FAM193A: variants seen among roughly 807,000 people sequenced by gnomAD.
FAM193A encodes family with sequence similarity 193 member A.
Under a neutral mutation model 126.5 loss-of-function variants are expected in FAM193A, and 22 were observed. The ratio of observed to expected loss-of-function variants is 0.17; its 90% CI spans 0.12 to 0.25. The LOEUF is 0.25. FAM193A is among the 10% of genes least tolerant of loss of function. FAM193A has a pLI of 1.00. For synonymous variants in FAM193A, 761 were observed against 646.8 expected (o/e 1.18, Z -2.68); for missense variants, 1,675 against 1,672.8 (o/e 1.00, Z -0.02).
At chr4:2,586,776 C>T (rs1050248577) in intron 1 of FAM193A, among the ~76,000 whole-genome samples, 9 of 152,116 alleles carry the variant, frequency 5.9e-5, no homozygotes, top group African/African-American at 2.2e-4. Flanking sequence ...ACCTCAGCCT[C>T]CTGAGTGGCT....
Position 2,700,355 on chromosome 4 carries a change from A to G in FAM193A, c.4183A>G (p.Ser1395Gly), listed in dbSNP as rs1560587120. ...EQKREERKVN[S>G]NNNNKKQLNH... ...GAAAAGAGAGGAGAGAAAAGTCAACAGTAATAACAATAACAAAAAGCAGCT... is the reference window on the plus strand; with the variant it reads ...GAAAAGAGAGGAGAGAAAAGTCAACGGTAATAACAATAACAAAAAGCAGCT... The change falls in exon 19 of 21, where the codon AGT (serine) becomes GGT (glycine). Residue 1395 changes from serine to glycine, a missense_variant. By Grantham distance (56) the Ser-to-Gly change is moderately conservative. Transcript: ENST00000637812. 1 of 1,614,150 alleles carries G rather than the reference A, an allele frequency of 6.2e-7. No individual in the cohort carries two copies. The highest frequency in any genetic ancestry group is 1.7e-5 in the Admixed American group (1 of 60,018).
intron 2 of FAM193A, among the ~76,000 whole-genome samples, chr4:2,600,600 C>G (rs963496772): frequency 6.6e-6 from 1 of 152,136 alleles, no homozygotes; most frequent in African/African-American, 2.4e-5. Context: ...AGCTATTGAC[C>G]TTCGTGCTTC....
chr4:2,546,096 C>T (rs202240612), intron 1 of FAM193A, among the ~76,000 whole-genome samples: 4 of 151,624 alleles, frequency 2.6e-5, no homozygotes, highest in Non-Finnish European at 4.4e-5. Context: ...TGCAGTGAGC[C>T]GAGATTGTGC....
chr4:2,628,640 C>T (rs1743214722), intron 4 of FAM193A, among the ~76,000 whole-genome samples: 1 of 151,996 alleles, frequency 6.6e-6, no homozygotes, highest in African/African-American at 2.4e-5. Context: ...CAAAGAAAAA[C>T]ACAAAAAAAC....
chr4:2,611,905 C>T (rs1560480935), intron 2 of FAM193A, among the ~76,000 whole-genome samples: 2 of 150,026 alleles, frequency 1.3e-5, no homozygotes, highest in Admixed American at 6.6e-5. Flanking sequence ...GGCACTATCT[C>T]GGCTCACTGC....
At chr4:2,572,690 C>G (rs1285151218) in intron 1 of FAM193A, among the ~76,000 whole-genome samples, 1 of 151,370 alleles carries the variant, frequency 6.6e-6, no homozygotes, top group African/African-American at 2.4e-5. Flanking sequence ...GGGGAGCTCA[C>G]GTGGGACCTG....
chr4:2,720,400 T>TC (rs1294688058), intron 20 of FAM193A, among the ~76,000 whole-genome samples: 2 of 152,168 alleles, frequency 1.3e-5, no homozygotes, highest in Non-Finnish European at 2.9e-5. Context: ...ACCTGTAATT[T>TC]CAACATTTTG....
chr4:2,691,266 A>G (rs112094240), intron 15 of FAM193A, among the ~76,000 whole-genome samples: 4 of 152,112 alleles, frequency 2.6e-5, no homozygotes, highest in African/African-American at 9.7e-5. Flanking sequence ...CCCAGGCTGG[A>G]GTGCAGCAGT....
At chr4:2,721,769 A>C in intron 20 of FAM193A, among the ~76,000 whole-genome samples, 1 of 152,232 alleles carries the variant, frequency 6.6e-6, no homozygotes, top group East Asian at 1.9e-4. Context: ...CCTCCCGTGC[A>C]ACCCCACAAA....
chr4:2,635,201 A>G (rs941856778), intron 5 of FAM193A, among the ~76,000 whole-genome samples: 9 of 152,230 alleles, frequency 5.9e-5, no homozygotes, highest in Non-Finnish European at 7.3e-5. Flanking sequence ...AAAAATCTTC[A>G]CAAATTCATA....
intron 2 of FAM193A, among the ~76,000 whole-genome samples, chr4:2,611,989 A>G (rs1741904860): frequency 1.3e-5 from 2 of 151,056 alleles, no homozygotes. Flanking sequence ...GGCGCCCACC[A>G]CCATGCCCGG....
At chr4:2,694,026 T>C (rs1051701633) in intron 16 of FAM193A, 152 bp downstream of exon 16, 1 of 844,448 alleles carries the variant, frequency 1.2e-6, no homozygotes, top group South Asian at 1.8e-5. Flanking sequence ...GCAGAGGCCA[T>C]GGGTAGAGGG....
At chr4:2,592,536 C>T (rs1430462383) in intron 1 of FAM193A, among the ~76,000 whole-genome samples, 1 of 152,172 alleles carries the variant, frequency 6.6e-6, no homozygotes. Context: ...CCAACATTGG[C>T]CCACAGGCAG....
intron 5 of FAM193A, among the ~76,000 whole-genome samples, chr4:2,633,752 G>A (rs1743827279): frequency 6.6e-6 from 1 of 152,112 alleles, no homozygotes; most frequent in African/African-American, 2.4e-5. Context: ...AATTAGCCTG[G>A]CGTGGTGGCA....
rs556930911 is a variant in FAM193A at position 2,664,875 on chromosome 4, T to A, written c.2079+1587T>A. Among the ~76,000 whole-genome samples the A allele has an allele frequency of 5.3e-5, 8 of 152,274 alleles. No homozygotes were observed. The East Asian group carries it at 1.4e-3, about 26-fold the overall frequency. On this transcript the variant is annotated intron_variant, in intron 12 of 20. Coordinates refer to ENST00000637812, the MANE Select transcript of FAM193A (RefSeq NM_001366318.2). ...ACTGCACCCGGCTGGTACACCCTTT[T>A]CAAAATCGTTTATGCTGCTCAAAGT...
At chr4:2,671,932 C>T (rs1713845163) in intron 12 of FAM193A, among the ~76,000 whole-genome samples, 189 bp from the exon 13 acceptor site, 1 of 152,184 alleles carries the variant, frequency 6.6e-6, no homozygotes, top group Non-Finnish European at 1.5e-5. Context: ...CTCTGTGCGT[C>T]TTCTTCAGTC....
intron 2 of FAM193A, among the ~76,000 whole-genome samples, chr4:2,623,897 A>G (rs1742711042): frequency 1.3e-5 from 2 of 151,756 alleles, no homozygotes; most frequent in Admixed American, 6.6e-5. Flanking sequence ...GGTCAGGGGG[A>G]TGCAATGATT....
intron 6 of FAM193A, among the ~76,000 whole-genome samples, chr4:2,646,273 G>A (rs531333244): frequency 6.8e-6 from 1 of 147,034 alleles, no homozygotes; most frequent in East Asian, 2.0e-4. Flanking sequence ...GGGTTCAAGC[G>A]ATTCTCCTGT....
At chr4:2,615,960 C>T (rs1387912515) in intron 2 of FAM193A, among the ~76,000 whole-genome samples, 2 of 151,856 alleles carry the variant, frequency 1.3e-5, no homozygotes, top group East Asian at 1.9e-4. Flanking sequence ...TACACATGCA[C>T]GCCACCATGC....
Sources: allele counts gnomAD v4.1 joint callset (sites outside exome capture counted in the v4.1 genomes callset), GRCh38; gene constraint gnomAD v4.1.1; transcripts MANE v1.5; gene names NCBI Gene and HGNC (gene_info 2026-07-23, HGNC 2026-07-21).